Variants in CNN3 observed in about 807,000 individuals in gnomAD.
CNN3 encodes the protein calponin-3.
A neutral mutation model predicts 39.0 loss-of-function variants in CNN3; 11 were observed. That is an observed-to-expected ratio of 0.28 (90% CI 0.18 to 0.47). The LOEUF (loss-of-function observed/expected upper bound fraction) is 0.47, where lower values mean the gene tolerates loss of function less well. Among genes scored for constraint, CNN3 ranks in the 20% least tolerant of loss-of-function variants. The pLI, the probability that CNN3 is intolerant of heterozygous loss-of-function variation, is 0.99. For synonymous variants in CNN3, 101 were observed against 138.3 expected, an observed-to-expected ratio of 0.73 and a Z score of 1.89; for missense variants, 266 against 403.4, an observed-to-expected ratio of 0.66 and a Z score of 2.92.
chr1:94,910,868 T>C (rs773783926), intron 1 of CNN3, among the ~76,000 whole-genome samples: 5 of 152,088 alleles, frequency 3.3e-5, no homozygotes, highest in South Asian at 2.1e-4. Context: ...GTTCAATCCA[T>C]TGTTTGCAAT....
intron 3 of CNN3, 61 bp from the exon 4 acceptor site, chr1:94,902,319 G>T (rs1205406155): frequency 5.4e-6 from 8 of 1,478,762 alleles, no homozygotes; most frequent in Non-Finnish European, 7.4e-6. Flanking sequence ...TAATTTCTAA[G>T]AATTCCAAGT....
At chr1:94,910,578 G>A (rs991535052) in intron 1 of CNN3, among the ~76,000 whole-genome samples, 12 of 152,008 alleles carry the variant, frequency 7.9e-5, no homozygotes, top group Admixed American at 5.9e-4. Flanking sequence ...CTGTCTCTCC[G>A]CAATGAATCC....
intron 1 of CNN3, among the ~76,000 whole-genome samples, chr1:94,921,520 T>C (rs72720209): frequency 0.043 from 6,497 of 152,168 alleles, 369 homozygotes; most frequent in East Asian, 0.13. Flanking sequence ...ATCAGATTCA[T>C]TATGACTTTA....
chr1:94,925,833 A>G lies in CNN3; in HGVS notation c.57+1005T>C. 4.1e-6 allele frequency: 4 copies of G among 985,336 alleles called. No homozygotes were observed. In the South Asian group the frequency reaches 1.4e-4, roughly 35 times the overall value. The allele number at this position is 985,336 out of a possible 1,614,324, so 61.0% of individuals were successfully genotyped here. On this transcript the variant is annotated intron_variant, in intron 1 of 6. Coordinates refer to ENST00000370206, the MANE Select transcript of CNN3 (RefSeq NM_001839.5). ...TGGCCAGAACAGCAGAAAGGAGACA[A>G]TGAGCGTTCTGTGCACAGTTCCGCG... is the stretch of plus-strand genomic sequence containing the variant.
rs1320376987 is a variant in CNN3 at position 94,897,131 on chromosome 1, A to T, written c.*611T>A. On this transcript the variant is annotated 3_prime_UTR_variant, in exon 7 of 7. Transcript: ENST00000370206. ...CTAAATGTCCACAGGCCACTTTTGT[A>T]CATGCTCTTTTAGAAACACCACTCT... 1 of 153,016 alleles carries T rather than the reference A, an allele frequency of 6.5e-6. No individual in the cohort carries two copies. Among genetic ancestry groups the T allele is most frequent in the Non-Finnish European group, 1.5e-5 (1 of 68,190 alleles). 9.5% of individuals were successfully genotyped at this position (153,016 alleles called of 1,614,324 possible). A position where few individuals can be genotyped will look rare whatever the true frequency, so the allele number is the denominator to read the frequency against.
In CNN3 at chr1:94,899,828, C is replaced by A. The variant is rs557642362; in HGVS notation, c.502-311G>T. Among the ~76,000 whole-genome samples, 104 of 152,312 alleles carry A rather than the reference C, an allele frequency of 6.8e-4. 1 individual carries two copies. Among genetic ancestry groups the A allele is most frequent in the African/African-American group, 2.5e-3 (102 of 41,570 alleles). On this transcript the variant is annotated intron_variant, in intron 5 of 6. Coordinates refer to ENST00000370206, the MANE Select transcript of CNN3 (RefSeq NM_001839.5). ...CCTCTGCTACTCTTTCCCCAGATAA[C>A]CAAATTAAGAGGTACCAGCTTCGGT...
At chr1:94,925,604 TG>T in intron 1 of CNN3, 1 of 985,422 alleles carries the variant, frequency 1.0e-6, no homozygotes, top group Non-Finnish European at 1.2e-6. Flanking sequence ...AACTCTCCCT[TG>T]GGGTTTGACA....
chr1:94,926,505 C>T lies in CNN3; in HGVS notation c.57+333G>A, dbSNP rs549659381. 2.6e-5 allele frequency among the ~76,000 whole-genome samples: 4 copies of T among 152,300 alleles called. No individual in the cohort carries two copies. The highest frequency in any genetic ancestry group is 3.9e-4 in the East Asian group (2 of 5,168). On this transcript the variant is annotated intron_variant, in intron 1 of 6. Transcript: ENST00000370206. This position sits in a 1 kb window ranked among gnomAD's most constrained non-coding sequence, Gnocchi z 4.2. The stretch of plus-strand genomic sequence containing the variant: ...TGGCCACGCAGGAGCGCCCCCTTCC[C>T]GGAGGGCGCGTTCTGCAGTCACCAA...
intron 6 of CNN3, among the ~76,000 whole-genome samples, chr1:94,899,124 CAT>C (rs1670796824): frequency 1.3e-5 from 2 of 151,968 alleles, no homozygotes; most frequent in Non-Finnish European, 1.5e-5. Context: ...CTGTAATAAA[CAT>C]ATCTTTTTTT....
intron 1 of CNN3, among the ~76,000 whole-genome samples, chr1:94,907,826 C>G (rs1378870790): frequency 6.6e-6 from 1 of 152,172 alleles, no homozygotes; most frequent in Non-Finnish European, 1.5e-5. Context: ...TGCCACTGCA[C>G]TGCAGCCTGG....
intron 3 of CNN3, 21 bp from the exon 4 acceptor site, chr1:94,902,279 A>G: frequency 6.3e-7 from 1 of 1,595,366 alleles, no homozygotes; most frequent in Non-Finnish European, 8.6e-7. Flanking sequence ...GAAGAGTTTT[A>G]TAATTTCTGG....
rs1670803805 is a variant in CNN3, at chr1:94,899,399, T to G, written c.620A>C (p.Gln207Pro). 1 of 1,613,958 alleles carries G rather than the reference T, an allele frequency of 6.2e-7. No homozygotes were observed. Residue 207 changes from glutamine to proline, a missense_variant, in exon 6 of 7, where the codon CAG (glutamine) becomes CCG (proline). Gln to Pro is a moderately conservative substitution (Grantham distance 76). Transcript: ENST00000370206. The stretch of plus-strand genomic sequence containing the variant: ...GCTGGCTCCTTTATTAGTGCCCATC[T>G]GCAGACTAATTGTGGTCTGGTCAAA... ...KPFDQTTISL[Q>P]MGTNKGASQA... is the part of the protein sequence containing the mutation.
At position 94,898,031 on chromosome 1, in the gene CNN3, G is replaced by C; in HGVS notation, c.701C>G (p.Thr234Arg). ...TRRDIYDQKL[T>R]LQPVDNSTIS... ...TGTCGAGTTGTCCACCGGCTGTAATGTTAGCTTCTGATCATAGATGTCTCT... is the reference window on the plus strand; with the variant it reads ...TGTCGAGTTGTCCACCGGCTGTAATCTTAGCTTCTGATCATAGATGTCTCT... Residue 234 changes from threonine to arginine, a missense_variant, in exon 7 of 7, where the codon ACA (threonine) becomes AGA (arginine). Coordinates refer to ENST00000370206, the MANE Select transcript of CNN3 (RefSeq NM_001839.5). 6.2e-7 allele frequency: 1 copy of C among 1,614,074 alleles called. No homozygotes were observed. The highest frequency in any genetic ancestry group is 2.2e-5 in the East Asian group (1 of 44,882).
At chr1:94,925,106 C>G (rs545105543) in intron 1 of CNN3, among the ~76,000 whole-genome samples, 2 of 152,126 alleles carry the variant, frequency 1.3e-5, no homozygotes, top group East Asian at 3.9e-4. Context: ...CATTAGTCAG[C>G]AAAAAAGAAA....
Position 94,926,912 on chromosome 1 carries a change from G to A in CNN3, c.-18C>T. On this transcript the variant is annotated 5_prime_UTR_variant, in exon 1 of 7. Coordinates refer to ENST00000370206, the MANE Select transcript of CNN3 (RefSeq NM_001839.5). The surrounding 1 kb of genome is among the most constrained non-coding windows in gnomAD (Gnocchi z 4.2). ...TGGGTCATGGTGGTTCGGGCGGCGG[G>A]AAGAGACAGCGCTGGGGTCCGGGGT... 1.2e-6 allele frequency: 2 copies of A among 1,606,970 alleles called. No homozygotes were observed. The highest frequency in any genetic ancestry group is 1.7e-6 in the Non-Finnish European group (2 of 1,176,336).
Position 94,926,717 on chromosome 1 carries a change from C to T in CNN3, c.57+121G>A. On this transcript the variant is annotated intron_variant, in intron 1 of 6. Coordinates refer to ENST00000370206, the MANE Select transcript of CNN3 (RefSeq NM_001839.5). This position sits in a 1 kb window ranked among gnomAD's most constrained non-coding sequence, Gnocchi z 4.2. Reference sequence around the variant, plus strand: ...ACAGGCAGAGACGCTCGCGCCGCCTCGACGGCCCCTCTCCAGGAAAACGGT... The same window carrying T: ...ACAGGCAGAGACGCTCGCGCCGCCTTGACGGCCCCTCTCCAGGAAAACGGT... The T allele has an allele frequency of 1.7e-6, 2 of 1,146,266 alleles. No individual in the cohort carries two copies. The highest frequency in any genetic ancestry group is 2.5e-6 in the Non-Finnish European group (2 of 790,538). The allele number at this position is 1,146,266 out of a possible 1,614,324, so 71.0% of individuals were successfully genotyped here.
intron 4 of CNN3, 73 bp from the exon 5 acceptor site, chr1:94,901,858 G>A: frequency 9.2e-7 from 1 of 1,088,550 alleles, no homozygotes; most frequent in Non-Finnish European, 1.4e-6. Context: ...GAAATGATAT[G>A]TCCATAGACA....
rs1451630572 is a variant in CNN3, at chr1:94,901,570, T to C, written c.501+99A>G. ...AAACTACACCCCCCCCCCAGTACTA[T>C]AGTACTTCTGTCTATTCTTAGGAGA... On this transcript the variant is annotated intron_variant, in intron 5 of 6. Coordinates refer to ENST00000370206, the MANE Select transcript of CNN3 (RefSeq NM_001839.5). 1.3e-5 allele frequency: 10 copies of C among 753,972 alleles called. No homozygotes were observed. The East Asian group carries it at 2.2e-4, about 16-fold the overall frequency. 46.7% of individuals were successfully genotyped at this position (753,972 alleles called of 1,614,324 possible). A position where few individuals can be genotyped will look rare whatever the true frequency, so the allele number is the denominator to read the frequency against.
At chr1:94,901,396 CTT>C (rs776675219) in intron 5 of CNN3, among the ~76,000 whole-genome samples, 243 of 106,568 alleles carry the variant, frequency 2.3e-3, no homozygotes, top group Middle Eastern at 5.1e-3. Context: ...GTGTATTTTT[CTT>C]TTTTAAAAAA....
Sources: gnomAD v4.1 joint callset for allele counts (sites outside exome capture counted in the v4.1 genomes callset) on GRCh38, gnomAD v4.1.1 for gene constraint, Gnocchi (gnomAD v3.1) non-coding constraint, MANE v1.5 for transcripts, NCBI Gene and HGNC (gene_info 2026-07-23, HGNC 2026-07-21) for gene names.